The following RBFOX1 variants were observed in gnomAD, a reference collection of about 807,000 sequenced individuals.
RBFOX1 encodes the protein RNA binding protein fox-1 homolog 1.
In RBFOX1, 8 loss-of-function variants were observed where a neutral mutation model predicts 57.7. That is an observed-to-expected ratio of 0.14 (90% CI 0.08 to 0.25). The LOEUF (loss-of-function observed/expected upper bound fraction) is 0.25. RBFOX1 is among the 10% of genes least tolerant of loss of function. The pLI is 1.00. For missense variants in RBFOX1, 611 were observed against 548.5 expected (o/e 1.11, Z -1.14); for synonymous variants, 326 against 222.4 (o/e 1.47, Z -4.15).
chr16:6,304,304 A>G (rs2079184273), intron 1 of RBFOX1, among the ~76,000 whole-genome samples: 1 of 151,974 alleles, frequency 6.6e-6, no homozygotes. Context: ...AAGAAAGATA[A>G]TTAATGAACA....
intron 4 of RBFOX1, among the ~76,000 whole-genome samples, chr16:7,378,923 A>G (rs1234099343): frequency 6.6e-6 from 1 of 152,230 alleles, no homozygotes; most frequent in Non-Finnish European, 1.5e-5. Flanking sequence ...TCACCAGAAG[A>G]CACAACAGGA....
intron 3 of RBFOX1, among the ~76,000 whole-genome samples, chr16:6,833,306 T>G (rs959316680): frequency 2.6e-5 from 4 of 151,932 alleles, no homozygotes; most frequent in Admixed American, 2.0e-4. Context: ...CCTGCGACTA[T>G]AGGCTCCCAA....
intron 3 of RBFOX1, among the ~76,000 whole-genome samples, chr16:6,939,513 T>C (rs2077975559): frequency 6.6e-6 from 1 of 151,662 alleles, no homozygotes; most frequent in Middle Eastern, 3.4e-3. Flanking sequence ...TTTCTTTTTT[T>C]TTTTTTCTTT....
At chr16:5,383,213 T>A (rs902279270) in intron 1 of RBFOX1, among the ~76,000 whole-genome samples, 1 of 151,332 alleles carries the variant, frequency 6.6e-6, no homozygotes, top group Non-Finnish European at 1.5e-5. Context: ...ACAGGAGGAG[T>A]AGGGGGCAAC....
intron 3 of RBFOX1, among the ~76,000 whole-genome samples, chr16:6,666,111 C>G (rs1229960275): frequency 6.6e-6 from 1 of 152,158 alleles, no homozygotes; most frequent in Non-Finnish European, 1.5e-5. Flanking sequence ...TGCCTCCCAT[C>G]ATGGTTATGA....
chr16:6,922,846 C>A (rs533445766), intron 3 of RBFOX1, among the ~76,000 whole-genome samples: 1 of 152,294 alleles, frequency 6.6e-6, no homozygotes, highest in East Asian at 1.9e-4. Context: ...CAGAGCACAT[C>A]ATAGTGAGCA....
intron 1 of RBFOX1, among the ~76,000 whole-genome samples, chr16:5,283,246 C>T (rs748861856): frequency 1.2e-4 from 18 of 152,176 alleles, no homozygotes; most frequent in Non-Finnish European, 2.2e-4. Context: ...GCTGCAGGGG[C>T]AGGGCACTCA....
At chr16:6,315,366 A>G (rs2080945715) in intron 1 of RBFOX1, among the ~76,000 whole-genome samples, 2 of 150,178 alleles carry the variant, frequency 1.3e-5, no homozygotes, top group African/African-American at 2.4e-5. Flanking sequence ...GGGTGGGTGG[A>G]TGGATGGATG....
At chr16:6,410,079 C>G (rs550516905) in intron 2 of RBFOX1, among the ~76,000 whole-genome samples, 3 of 152,112 alleles carry the variant, frequency 2.0e-5, no homozygotes, top group East Asian at 3.9e-4. Flanking sequence ...AAAGAACCAT[C>G]TCACATTCCT....
chr16:7,103,691 C>G lies in RBFOX1; in HGVS notation c.27+51593C>G, dbSNP rs1318703. Among the ~76,000 whole-genome samples the G allele has an allele frequency of 4.7e-4, 72 of 152,030 alleles. No individual in the cohort carries two copies. The East Asian group carries it at 0.013, about 28-fold the overall frequency. ...ACATAATAAAAATGACTTAAAGAAA[C>G]GTAAATAATAACGAATATGCCTCAT... is the stretch of plus-strand genomic sequence containing the variant. On this transcript the variant is annotated intron_variant, in intron 4 of 15. Transcript: ENST00000550418.
intron 1 of RBFOX1, among the ~76,000 whole-genome samples, chr16:5,265,184 C>A (rs1404206774): frequency 6.6e-6 from 1 of 152,040 alleles, no homozygotes; most frequent in Non-Finnish European, 1.5e-5. Context: ...CTGTAAAGAC[C>A]AGGTTATTTT....
At chr16:6,067,019 G>GT (rs1469251462) in intron 1 of RBFOX1, among the ~76,000 whole-genome samples, 1 of 152,184 alleles carries the variant, frequency 6.6e-6, no homozygotes, top group Non-Finnish European at 1.5e-5. Context: ...ACACGGCACA[G>GT]TTTAAATGTC....
chr16:6,666,747 C>T (rs567839168), intron 3 of RBFOX1, among the ~76,000 whole-genome samples: 3 of 152,102 alleles, frequency 2.0e-5, no homozygotes, highest in Non-Finnish European at 4.4e-5. Flanking sequence ...CGGTGACTTA[C>T]GAGAGTTATT....
chr16:7,052,010 G>C (rs756586181), intron 3 of RBFOX1, 47 bp from the exon 4 acceptor site: 2 of 1,592,312 alleles, frequency 1.3e-6, no homozygotes, highest in South Asian at 1.1e-5. Context: ...ATGTTTTTCT[G>C]ATCCGGAGCC....
At chr16:7,582,432 C>T (rs759943045) in intron 6 of RBFOX1, among the ~76,000 whole-genome samples, 2 of 152,170 alleles carry the variant, frequency 1.3e-5, no homozygotes, top group Non-Finnish European at 2.9e-5. Context: ...GACTTTCAAG[C>T]CTCCTTAGTT....
chr16:6,988,788 T>G (rs910121659), intron 3 of RBFOX1, among the ~76,000 whole-genome samples: 1 of 151,204 alleles, frequency 6.6e-6, no homozygotes, highest in Non-Finnish European at 1.5e-5. Flanking sequence ...TGTTTTTGTT[T>G]TTAAGATGGA....
chr16:7,361,754 C>T (rs916703138), intron 4 of RBFOX1, among the ~76,000 whole-genome samples: 2 of 152,024 alleles, frequency 1.3e-5, no homozygotes, highest in African/African-American at 2.4e-5. Flanking sequence ...CAGAGAGACT[C>T]GAGGCTGCAT....
At chr16:7,696,623 A>G (rs73496967) in intron 14 of RBFOX1, among the ~76,000 whole-genome samples, 131 of 152,120 alleles carry the variant, frequency 8.6e-4, no homozygotes, top group African/African-American at 3.1e-3. Flanking sequence ...GCATTAAATG[A>G]GTCAGGAGAA....
At chr16:5,422,597 A>G (rs1277349587) in intron 1 of RBFOX1, among the ~76,000 whole-genome samples, 2 of 103,932 alleles carry the variant, frequency 1.9e-5, no homozygotes, top group African/African-American at 7.6e-5. Flanking sequence ...AAGCGAGGAC[A>G]GGAGGAAGAG....
Sources: allele counts gnomAD v4.1 joint callset (sites outside exome capture counted in the v4.1 genomes callset), GRCh38; gene constraint gnomAD v4.1.1; transcripts MANE v1.5; gene names NCBI Gene and HGNC (gene_info 2026-07-23, HGNC 2026-07-21).